ZNF398: variants seen among roughly 807,000 people sequenced by gnomAD.
ZNF398 encodes zinc finger protein 398.
In ZNF398, 18 loss-of-function variants were observed where a neutral mutation model predicts 41.9. The ratio of observed to expected loss-of-function variants is 0.43; its 90% CI spans 0.30 to 0.64. The LOEUF (loss-of-function observed/expected upper bound fraction) is 0.64. ZNF398 is among the 30% of genes least tolerant of loss of function. The pLI is 0.14. For missense variants in ZNF398, 669 were observed against 822.8 expected (o/e 0.81, Z 2.29); for synonymous variants, 260 against 308.8 (o/e 0.84, Z 1.66).
At chr7:149,165,094 A>G (rs1563163016) in intron 2 of ZNF398, among the ~76,000 whole-genome samples, 2 of 140,128 alleles carry the variant, frequency 1.4e-5, no homozygotes, top group African/African-American at 5.5e-5. Context: ...CTCTGTCTCT[A>G]AAAAAAAAAA....
intron 2 of ZNF398, among the ~76,000 whole-genome samples, chr7:149,165,872 C>T (rs915543831): frequency 6.6e-6 from 1 of 152,168 alleles, no homozygotes; most frequent in Non-Finnish European, 1.5e-5. Context: ...TTTTAACATA[C>T]ATGGTATTTA....
chr7:149,155,726 T>TA (rs1460207510), intron 2 of ZNF398, among the ~76,000 whole-genome samples: 11,359 of 92,396 alleles, frequency 0.12, 570 homozygotes, highest in African/African-American at 0.13. Context: ...TTTTTTTTTT[T>TA]TTTAATTTTT....
In ZNF398 at chr7:149,182,035, A is replaced by G. The variant is rs1795604352; in HGVS notation, c.*2234A>G. The G allele has an allele frequency of 6.6e-6, 1 of 152,200 alleles. No homozygotes were observed. Among genetic ancestry groups the G allele is most frequent in the Non-Finnish European group, 1.5e-5 (1 of 68,028 alleles). The allele number at this position is 152,200 out of a possible 1,614,324, so 9.4% of individuals were successfully genotyped here. A position where few individuals can be genotyped will look rare whatever the true frequency, so the allele number is the denominator to read the frequency against. ...ATGCTGGAGGAGGGACTCCTAAAGTAGGTGAGATGTGGGACTAGGTAACAC... is the reference window on the plus strand; with the variant it reads ...ATGCTGGAGGAGGGACTCCTAAAGTGGGTGAGATGTGGGACTAGGTAACAC... On this transcript the variant is annotated 3_prime_UTR_variant, in exon 6 of 6. Coordinates refer to ENST00000475153, the MANE Select transcript of ZNF398 (RefSeq NM_170686.3).
intron 2 of ZNF398, among the ~76,000 whole-genome samples, chr7:149,158,065 G>C (rs983204641): frequency 3.3e-5 from 5 of 152,112 alleles, no homozygotes; most frequent in Non-Finnish European, 5.9e-5. Context: ...CTGGGCAACA[G>C]AGCAAGACTC....
chr7:149,146,163 T>C (rs1826933108), upstream of ZNF398, among the ~76,000 whole-genome samples: 1 of 151,740 alleles, frequency 6.6e-6, no homozygotes, highest in Non-Finnish European at 1.5e-5. Flanking sequence ...GCCAGGCTGG[T>C]CTGGAACTCA....
intron 2 of ZNF398, among the ~76,000 whole-genome samples, chr7:149,163,371 AT>A (rs36093586): frequency 0.095 from 11,935 of 125,296 alleles, 538 homozygotes; most frequent in African/African-American, 0.12. Context: ...TGCCCAGCTA[AT>A]TTTTTTTTTT....
At chr7:149,154,988 TAA>T (rs35980793) in intron 2 of ZNF398, among the ~76,000 whole-genome samples, 407 of 131,992 alleles carry the variant, frequency 3.1e-3, no homozygotes, top group Middle Eastern at 7.8e-3. Flanking sequence ...AAACTCCTTC[TAA>T]AAAAAAAAAA....
At chr7:149,174,095 G>A (rs1795413327) in intron 4 of ZNF398, among the ~76,000 whole-genome samples, 1 of 151,794 alleles carries the variant, frequency 6.6e-6, no homozygotes, top group Non-Finnish European at 1.5e-5. Flanking sequence ...TGCCCGGCCT[G>A]ATGTAGCATA....
chr7:149,173,319 T>C (rs10260821), intron 4 of ZNF398, among the ~76,000 whole-genome samples: 89,706 of 151,298 alleles, frequency 0.59, 28,101 homozygotes, highest in East Asian at 0.9. Flanking sequence ...GTTGGCCAGG[T>C]TGATCTCGAA....
At chr7:149,148,851 CTTTTTCTTTGTCTTTTT>C (rs1206045736) in intron 1 of ZNF398, among the ~76,000 whole-genome samples, 1 of 97,514 alleles carries the variant, frequency 1.0e-5, no homozygotes. Flanking sequence ...ATGCACGGAC[CTTTTTCTTTGTCTTTTT>C]TTTTTTTTTT....
intron 4 of ZNF398, among the ~76,000 whole-genome samples, chr7:149,169,973 C>T (rs1795298161): frequency 6.6e-6 from 1 of 152,114 alleles, no homozygotes; most frequent in South Asian, 2.1e-4. Context: ...AGAGTCCTCT[C>T]CCAGTGGAGT....
intron 1 of ZNF398, among the ~76,000 whole-genome samples, chr7:149,151,520 G>A (rs184267399): frequency 6.6e-6 from 1 of 152,068 alleles, no homozygotes; most frequent in African/African-American, 2.4e-5. Context: ...CTTATTTGTT[G>A]TGGGAATTTT....
intron 2 of ZNF398, among the ~76,000 whole-genome samples, chr7:149,160,438 C>CTA (rs150894122): frequency 0.037 from 5,590 of 152,242 alleles, 341 homozygotes; most frequent in African/African-American, 0.13. Context: ...TGGCCATTCC[C>CTA]TACATGCAGT....
chr7:149,157,975 G>T (rs141805504), intron 2 of ZNF398, among the ~76,000 whole-genome samples: 2 of 152,216 alleles, frequency 1.3e-5, no homozygotes, highest in Non-Finnish European at 2.9e-5. Flanking sequence ...GTAGCTACTC[G>T]GGAGGCTGTG....
intron 2 of ZNF398, among the ~76,000 whole-genome samples, chr7:149,138,600 CAA>C (rs1826761993): frequency 6.6e-6 from 1 of 151,758 alleles, no homozygotes; most frequent in Non-Finnish European, 1.5e-5. Flanking sequence ...CAAAACAAAT[CAA>C]AAAACAGTAT....
At chr7:149,176,642 A>G in intron 5 of ZNF398, 61 bp downstream of exon 5, 1 of 1,114,404 alleles carries the variant, frequency 9.0e-7, no homozygotes, top group Non-Finnish European at 1.3e-6. Context: ...GACTGACTGA[A>G]GAAACAGCAG....
At chr7:149,165,148 T>G (rs1795201404) in intron 2 of ZNF398, among the ~76,000 whole-genome samples, 1 of 150,760 alleles carries the variant, frequency 6.6e-6, no homozygotes, top group Non-Finnish European at 1.5e-5. Flanking sequence ...AAAACGAAAA[T>G]TTTGACCTGG....
At chr7:149,162,232 A>T (rs1795120695) in intron 2 of ZNF398, among the ~76,000 whole-genome samples, 1 of 151,626 alleles carries the variant, frequency 6.6e-6, no homozygotes, top group East Asian at 1.9e-4. Flanking sequence ...CCCAGGCTGG[A>T]GTGCAGTGGC....
chr7:149,154,851 T>C (rs905249129), intron 2 of ZNF398, among the ~76,000 whole-genome samples: 1 of 151,484 alleles, frequency 6.6e-6, no homozygotes, highest in Non-Finnish European at 1.5e-5. Context: ...TAGCCGGGTG[T>C]GGTAGCACAT....
Sources: gnomAD v4.1 joint callset for allele counts (sites outside exome capture counted in the v4.1 genomes callset) on GRCh38, gnomAD v4.1.1 for gene constraint, MANE v1.5 for transcripts, NCBI Gene and HGNC (gene_info 2026-07-23, HGNC 2026-07-21) for gene names.